The following GNA14 variants were observed in gnomAD, a reference collection of about 807,000 sequenced individuals.
GNA14 encodes guanine nucleotide-binding protein subunit alpha-14.
GNA14 carries 50 observed loss-of-function variants against 42.0 expected under a neutral mutation model. That is an observed-to-expected ratio of 1.19 (90% CI 0.95 to 1.51). GNA14 has a LOEUF of 1.51. GNA14 is among the 40% of genes most tolerant of loss of function. The pLI, the probability that GNA14 is intolerant of heterozygous loss-of-function variation, is 0.00. For missense variants in GNA14, 473 were observed against 446.2 expected, an observed-to-expected ratio of 1.06 and a Z score of -0.54; for synonymous variants, 173 against 163.1, an observed-to-expected ratio of 1.06 and a Z score of -0.46.
At chr9:77,443,730 T>C (rs1189335170) in intron 2 of GNA14, among the ~76,000 whole-genome samples, 1 of 152,116 alleles carries the variant, frequency 6.6e-6, no homozygotes, top group East Asian at 1.9e-4. Flanking sequence ...TCCCAGCAAT[T>C]TGGGAGGCCA....
intron 1 of GNA14, among the ~76,000 whole-genome samples, chr9:77,644,209 A>G (rs1202465058): frequency 6.6e-6 from 1 of 152,130 alleles, no homozygotes; most frequent in African/African-American, 2.4e-5. Context: ...TCATGCCTGT[A>G]ATCCCGACAC....
intron 1 of GNA14, among the ~76,000 whole-genome samples, chr9:77,607,363 C>T (rs1244973090): frequency 6.6e-6 from 1 of 152,138 alleles, no homozygotes; most frequent in East Asian, 1.9e-4. Flanking sequence ...CACCATAAGT[C>T]AGTACACAGG....
chr9:77,608,312 A>G (rs1003540031), intron 1 of GNA14, among the ~76,000 whole-genome samples: 3 of 152,158 alleles, frequency 2.0e-5, no homozygotes, highest in African/African-American at 7.2e-5. Context: ...GCATAATTTG[A>G]TTTCACAGGT....
At chr9:77,611,129 G>C (rs141589693) in intron 1 of GNA14, among the ~76,000 whole-genome samples, 1 of 152,196 alleles carries the variant, frequency 6.6e-6, no homozygotes, top group Non-Finnish European at 1.5e-5. Flanking sequence ...AAGGCAGCTA[G>C]AAGACTGGTA....
At chr9:77,504,413 A>C (rs1229609371) in intron 2 of GNA14, among the ~76,000 whole-genome samples, 1 of 152,132 alleles carries the variant, frequency 6.6e-6, no homozygotes, top group Non-Finnish European at 1.5e-5. Context: ...CACTCTTCTG[A>C]AGGCCAAAAG....
chr9:77,572,689 T>C (rs982133633), intron 1 of GNA14, among the ~76,000 whole-genome samples: 3 of 152,216 alleles, frequency 2.0e-5, no homozygotes, highest in Non-Finnish European at 4.4e-5. Flanking sequence ...AAATTAAATA[T>C]ATTAAGCAAT....
At chr9:77,548,914 C>A (rs1837756584) in intron 1 of GNA14, among the ~76,000 whole-genome samples, 2 of 152,140 alleles carry the variant, frequency 1.3e-5, no homozygotes, top group Admixed American at 6.5e-5. Context: ...CAACTCTTTA[C>A]TATTTAATGA....
chr9:77,473,230 G>A (rs1017328610), intron 2 of GNA14, among the ~76,000 whole-genome samples: 2 of 152,168 alleles, frequency 1.3e-5, no homozygotes, highest in African/African-American at 2.4e-5. Context: ...GCTAAGGCAG[G>A]CAGATGGCTT....
At chr9:77,428,885 C>T in intron 5 of GNA14, 22 bp downstream of exon 5, 1 of 1,610,498 alleles carries the variant, frequency 6.2e-7, no homozygotes, top group Admixed American at 1.7e-5. Context: ...CCACAGCTAC[C>T]CAAACTTCCC....
chr9:77,434,918 T>TA (rs1357061224), intron 2 of GNA14, among the ~76,000 whole-genome samples: 1 of 152,132 alleles, frequency 6.6e-6, no homozygotes, highest in Non-Finnish European at 1.5e-5. Flanking sequence ...TGAGGCCATT[T>TA]AAAAATGGCA....
At chr9:77,520,961 G>T (rs924195203) in intron 2 of GNA14, among the ~76,000 whole-genome samples, 4 of 152,186 alleles carry the variant, frequency 2.6e-5, no homozygotes, top group Non-Finnish European at 4.4e-5. Context: ...AGGGTAGTGG[G>T]TGTTTTAATT....
intron 2 of GNA14, among the ~76,000 whole-genome samples, chr9:77,471,974 G>A (rs1411109012): frequency 1.3e-5 from 2 of 152,148 alleles, no homozygotes; most frequent in Non-Finnish European, 2.9e-5. Context: ...TTTGGAGTCT[G>A]TTTCCCCATG....
chr9:77,592,127 C>T (rs568054365), intron 1 of GNA14, among the ~76,000 whole-genome samples: 16 of 152,058 alleles, frequency 1.1e-4, no homozygotes, highest in Non-Finnish European at 2.1e-4. Flanking sequence ...TGGTCTCGAT[C>T]TCCTGACCTC....
intron 1 of GNA14, among the ~76,000 whole-genome samples, chr9:77,535,568 A>C (rs1355540377): frequency 6.6e-6 from 1 of 152,112 alleles, no homozygotes; most frequent in Non-Finnish European, 1.5e-5. Flanking sequence ...AACAAAAAAC[A>C]AAAAAGATAC....
At chr9:77,640,253 T>C (rs1304879392) in intron 1 of GNA14, among the ~76,000 whole-genome samples, 1 of 152,248 alleles carries the variant, frequency 6.6e-6, no homozygotes, top group Non-Finnish European at 1.5e-5. Context: ...TTCCATGAGA[T>C]GCCCTGGTGA....
At chr9:77,643,932 CACAG>C (rs1824309875) in intron 1 of GNA14, among the ~76,000 whole-genome samples, 1 of 152,072 alleles carries the variant, frequency 6.6e-6, no homozygotes, top group Non-Finnish European at 1.5e-5. Context: ...GAATTTAGTC[CACAG>C]CTAAGACACT....
intron 2 of GNA14, among the ~76,000 whole-genome samples, chr9:77,457,260 T>G (rs1836016955): frequency 1.3e-5 from 2 of 152,004 alleles, no homozygotes; most frequent in African/African-American, 2.4e-5. Flanking sequence ...TGAGTTAGAG[T>G]TTAGTGGAAG....
At chr9:77,605,234 T>C (rs1823628892) in intron 1 of GNA14, among the ~76,000 whole-genome samples, 1 of 152,348 alleles carries the variant, frequency 6.6e-6, no homozygotes, top group African/African-American at 2.4e-5. Flanking sequence ...AAAGAGCTCA[T>C]CCTGGACCTC....
chr9:77,620,894 A>T (rs1357054009), intron 1 of GNA14, among the ~76,000 whole-genome samples: 2 of 151,124 alleles, frequency 1.3e-5, no homozygotes, highest in Non-Finnish European at 2.9e-5. Context: ...TTTGGCCAAC[A>T]TGATTCTCTT....
Sources: allele counts gnomAD v4.1 joint callset (sites outside exome capture counted in the v4.1 genomes callset), GRCh38; gene constraint gnomAD v4.1.1; transcripts MANE v1.5; gene names NCBI Gene and HGNC (gene_info 2026-07-23, HGNC 2026-07-21).